The following MCC variants were observed in gnomAD, a reference collection of about 807,000 sequenced individuals.
The protein encoded by MCC is MCC regulator of Wnt signaling pathway.
MCC carries 90 observed loss-of-function variants against 116.2 expected under a neutral mutation model. That is an observed-to-expected ratio of 0.77 (90% confidence interval 0.65 to 0.92). MCC has a LOEUF of 0.92. Ranked by LOEUF, MCC falls within the 40% of genes least tolerant of loss-of-function variation. The probability of loss-of-function intolerance (pLI) is 0.00; values close to 1 mark genes in which losing one functional copy is unlikely to be tolerated. For synonymous variants in MCC, 578 were observed against 510.5 expected (o/e 1.13, Z -1.78); for missense variants, 1,516 against 1,312.2 (o/e 1.16, Z -2.40).
chr5:113,433,350 CG>C, intron 1 of MCC: 7 of 404,362 alleles, frequency 1.7e-5, no homozygotes, highest in Admixed American at 3.3e-5. Flanking sequence ...GCAACTGCCC[CG>C]GGGACGATGA....
intron 3 of MCC, among the ~76,000 whole-genome samples, chr5:113,170,742 T>C (rs1486725357): frequency 6.6e-6 from 1 of 152,144 alleles, no homozygotes; most frequent in Admixed American, 6.5e-5. Context: ...GACAAGAAGT[T>C]ATAGACTTTT....
At chr5:113,092,606 T>C (rs1755716919) in intron 8 of MCC, among the ~76,000 whole-genome samples, 1 of 152,202 alleles carries the variant, frequency 6.6e-6, no homozygotes, top group African/African-American at 2.4e-5. Flanking sequence ...CTATCACCTA[T>C]AGATCTTTGC....
rs769662141 is a variant in MCC, at chr5:113,434,099, G to A, written c.171-48887C>T. ...CGGGCTGCAGCATGTGGTAGATGAG[G>A]TCCTTGCACTCGCCTGTCAGGTGCT... is the stretch of plus-strand genomic sequence containing the variant. On this transcript the variant is annotated intron_variant, in intron 1 of 18. Transcript: ENST00000408903. This position sits in a 1 kb window ranked among gnomAD's most constrained non-coding sequence, Gnocchi z 4.2. The A allele has an allele frequency of 1.9e-6, 3 of 1,614,224 alleles. No individual in the cohort carries two copies. The South Asian group carries it at 3.3e-5, about 18-fold the overall frequency.
intron 3 of MCC, among the ~76,000 whole-genome samples, chr5:113,314,385 C>A (rs12110055): frequency 6.6e-6 from 1 of 152,260 alleles, no homozygotes; most frequent in Non-Finnish European, 1.5e-5. Flanking sequence ...CATTTCCCTG[C>A]AGGTCCTGAG....
chr5:113,220,709 A>G (rs1763519022), intron 3 of MCC, among the ~76,000 whole-genome samples: 1 of 152,182 alleles, frequency 6.6e-6, no homozygotes, highest in South Asian at 2.1e-4. Context: ...TCCTAACAAA[A>G]CAGTTTTCTT....
At chr5:113,406,510 G>A (rs921568484) in intron 1 of MCC, among the ~76,000 whole-genome samples, 16 of 152,086 alleles carry the variant, frequency 1.1e-4, no homozygotes, top group Non-Finnish European at 2.1e-4. Flanking sequence ...AAACTGTCCT[G>A]GTCCTCTGCC....
chr5:113,255,513 G>C (rs180937749), intron 3 of MCC, among the ~76,000 whole-genome samples: 8 of 152,284 alleles, frequency 5.3e-5, no homozygotes, highest in Admixed American at 5.2e-4. Flanking sequence ...CTGAAACAAG[G>C]AATTGGTTTC....
At chr5:113,265,683 T>C (rs1765393011) in intron 3 of MCC, among the ~76,000 whole-genome samples, 1 of 152,014 alleles carries the variant, frequency 6.6e-6, no homozygotes, top group Non-Finnish European at 1.5e-5. Context: ...CTTGAGCATA[T>C]CTCTTGATTT....
intron 8 of MCC, among the ~76,000 whole-genome samples, chr5:113,099,829 A>G (rs1233725636): frequency 6.6e-6 from 1 of 152,244 alleles, no homozygotes; most frequent in African/African-American, 2.4e-5. Context: ...TGAGAGAAGA[A>G]AATTCATTCT....
chr5:113,294,776 G>A (rs920299397), intron 3 of MCC: 8 of 988,926 alleles, frequency 8.1e-6, no homozygotes, highest in South Asian at 9.4e-5. Context: ...TTCCCAGCAC[G>A]AGCCGACACC....
intron 2 of MCC, among the ~76,000 whole-genome samples, chr5:113,364,238 GAA>G (rs60976854): frequency 6.5e-4 from 32 of 49,432 alleles, no homozygotes; most frequent in African/African-American, 7.4e-4. Flanking sequence ...CTCAAAAACA[GAA>G]AAAAAAAAAA....
intron 8 of MCC, among the ~76,000 whole-genome samples, chr5:113,101,340 G>A (rs1282514225): frequency 6.6e-6 from 1 of 150,768 alleles, no homozygotes; most frequent in Non-Finnish European, 1.5e-5. Context: ...GTACAATAAA[G>A]CTAAATAAAA....
intron 2 of MCC, among the ~76,000 whole-genome samples, chr5:113,369,462 C>T (rs1768785752): frequency 6.6e-6 from 1 of 152,174 alleles, no homozygotes; most frequent in Admixed American, 6.5e-5. Flanking sequence ...TCTTTTACCC[C>T]ATTCTTTTTC....
chr5:113,085,457 T>C, intron 8 of MCC, 147 bp from the exon 9 acceptor site: 2 of 657,070 alleles, frequency 3.0e-6, no homozygotes, highest in Non-Finnish European at 5.1e-6. Context: ...TAAAAGTCAT[T>C]ATATTCCTTT....
chr5:113,434,117 C>A lies in MCC; in HGVS notation c.171-48905G>T, dbSNP rs182369490. 6.2e-7 allele frequency: 1 copy of A among 1,614,200 alleles called. No homozygotes were observed. The highest frequency in any genetic ancestry group is 1.7e-5 in the Admixed American group (1 of 60,030). ...AGATGAGGTCCTTGCACTCGCCTGTCAGGTGCTTGGAGCGTGGGAAGTTGA... is the reference window on the plus strand; with the variant it reads ...AGATGAGGTCCTTGCACTCGCCTGTAAGGTGCTTGGAGCGTGGGAAGTTGA... On this transcript the variant is annotated intron_variant, in intron 1 of 18. Transcript: ENST00000408903. The surrounding 1 kb of genome is among the most constrained non-coding windows in gnomAD (Gnocchi z 4.2).
chr5:113,397,303 C>T (rs915228902), intron 1 of MCC, among the ~76,000 whole-genome samples: 4 of 152,144 alleles, frequency 2.6e-5, no homozygotes, highest in African/African-American at 7.2e-5. Flanking sequence ...ACTGGCATGA[C>T]GTTGAGCCCA....
chr5:113,025,536 A>C lies in MCC; in HGVS notation c.*1766T>G, dbSNP rs1158639318. 1 of 148,980 alleles carries C rather than the reference A, an allele frequency of 6.7e-6. No homozygotes were observed. The highest frequency in any genetic ancestry group is 1.5e-5 in the Non-Finnish European group (1 of 67,692). The allele number at this position is 148,980 out of a possible 1,614,324, so 9.2% of individuals were successfully genotyped here. ...CAGCTACTCAGGAGGCAGAGGTTGCAGTGAGCCAAGATCACGCCACTGCAC... is the reference window on the plus strand; with the variant it reads ...CAGCTACTCAGGAGGCAGAGGTTGCCGTGAGCCAAGATCACGCCACTGCAC... On this transcript the variant is annotated 3_prime_UTR_variant, in exon 19 of 19. Coordinates refer to ENST00000408903, the MANE Select transcript of MCC (RefSeq NM_001085377.2).
At chr5:113,100,751 G>A (rs559364555) in intron 8 of MCC, among the ~76,000 whole-genome samples, 3 of 152,298 alleles carry the variant, frequency 2.0e-5, no homozygotes, top group Middle Eastern at 3.4e-3. Flanking sequence ...GATTACAGGC[G>A]TGAGCCACTG....
intron 3 of MCC, among the ~76,000 whole-genome samples, chr5:113,297,745 G>C (rs1766749205): frequency 1.4e-5 from 1 of 72,798 alleles, no homozygotes; most frequent in Non-Finnish European, 2.2e-5. Flanking sequence ...GAGTGACTCT[G>C]TCTCAAAAAA....
Sources: allele counts gnomAD v4.1 joint callset (sites outside exome capture counted in the v4.1 genomes callset), GRCh38; gene constraint gnomAD v4.1.1; non-coding constraint Gnocchi (gnomAD v3.1); transcripts MANE v1.5; gene names NCBI Gene and HGNC (gene_info 2026-07-23, HGNC 2026-07-21).